Variants in BNIP3L observed in about 807,000 individuals in gnomAD.
BNIP3L encodes the protein BCL2 interacting protein 3 like, also known as BCL2/adenovirus E1B 19 kDa protein-interacting protein 3-like.
BNIP3L carries 10 observed loss-of-function variants against 25.5 expected under a neutral mutation model. The observed-to-expected ratio is 0.39, with a 90% CI of 0.24 to 0.67. The LOEUF (loss-of-function observed/expected upper bound fraction) is 0.67, where lower values mean the gene tolerates loss of function less well. BNIP3L is among the 30% of genes least tolerant of loss of function. The pLI is 0.45. For synonymous variants in BNIP3L, 113 were observed against 101.2 expected, an observed-to-expected ratio of 1.12 and a Z score of -0.70; for missense variants, 215 against 270.9, an observed-to-expected ratio of 0.79 and a Z score of 1.45.
chr8:26,400,213 A>G (rs1806338452), intron 3 of BNIP3L, among the ~76,000 whole-genome samples: 1 of 152,044 alleles, frequency 6.6e-6, no homozygotes, highest in African/African-American at 2.4e-5. Context: ...GTACCAAAAC[A>G]TAGATATAGA....
chr8:26,392,084 G>C (rs751954653), intron 2 of BNIP3L, among the ~76,000 whole-genome samples: 1 of 151,926 alleles, frequency 6.6e-6, no homozygotes, highest in Non-Finnish European at 1.5e-5. Flanking sequence ...CATGGATTAA[G>C]GACTGCTTAT....
intron 1 of BNIP3L, among the ~76,000 whole-genome samples, chr8:26,388,352 C>T (rs4489328): frequency 0.079 from 12,061 of 152,186 alleles, 640 homozygotes; most frequent in Non-Finnish European, 0.11. Context: ...GTTATTATCT[C>T]TATTTTATAG....
chr8:26,389,397 A>G (rs1806058309), intron 1 of BNIP3L, among the ~76,000 whole-genome samples: 1 of 152,116 alleles, frequency 6.6e-6, no homozygotes, highest in Non-Finnish European at 1.5e-5. Flanking sequence ...CTCGAGATAA[A>G]TTATCTTCAA....
At chr8:26,398,657 AC>A (rs774044852) in intron 3 of BNIP3L, among the ~76,000 whole-genome samples, 10,359 of 134,182 alleles carry the variant, frequency 0.077, 260 homozygotes, top group Non-Finnish European at 0.092. Context: ...GACACAAAAA[AC>A]CCTTCAAAAA....
intron 1 of BNIP3L, among the ~76,000 whole-genome samples, chr8:26,386,463 C>G (rs1483798251): frequency 6.6e-6 from 1 of 151,902 alleles, no homozygotes; most frequent in Non-Finnish European, 1.5e-5. Flanking sequence ...GAGACAGGGT[C>G]TTGCTTTGTC....
chr8:26,396,186 A>C (rs1366259304), intron 3 of BNIP3L, among the ~76,000 whole-genome samples: 10 of 133,970 alleles, frequency 7.5e-5, no homozygotes, highest in African/African-American at 2.5e-4. Flanking sequence ...CAGACAAACA[A>C]AAAGACAGCA....
chr8:26,390,466 C>T (rs543951528), intron 1 of BNIP3L: 11 of 985,116 alleles, frequency 1.1e-5, no homozygotes, highest in Admixed American at 6.2e-5. Flanking sequence ...TAATGAAAAC[C>T]CTAGAAAGTA....
chr8:26,405,698 G>C (rs1236678436), intron 3 of BNIP3L, among the ~76,000 whole-genome samples: 12 of 152,118 alleles, frequency 7.9e-5, no homozygotes, highest in Non-Finnish European at 1.5e-5. Context: ...ATGTCAAAAT[G>C]CTTCTTAGTT....
At chr8:26,395,336 A>G (rs1251598726) in intron 3 of BNIP3L, 34 bp downstream of exon 3, 1 of 1,581,652 alleles carries the variant, frequency 6.3e-7, no homozygotes, top group Non-Finnish European at 8.6e-7. Context: ...ACAGTAAACA[A>G]TTAAGAAAGA....
At position 26,412,021 on chromosome 8, in the gene BNIP3L, A is replaced by T. The variant is rs3182437; in HGVS notation, c.*1609A>T. On this transcript the variant is annotated 3_prime_UTR_variant, in exon 6 of 6. Transcript: ENST00000380629. ...GTGGAAAATAACATATAGATTAAAC[A>T]AAATTTTTATCTTTTTTCAAGAATA... 1 of 152,626 alleles carries T rather than the reference A, an allele frequency of 6.6e-6. No homozygotes were observed. The highest frequency in any genetic ancestry group is 1.5e-5 in the Non-Finnish European group (1 of 68,044). The allele number at this position is 152,626 out of a possible 1,614,324, so 9.5% of individuals were successfully genotyped here. A position where few individuals can be genotyped will look rare whatever the true frequency, so the allele number is the denominator to read the frequency against.
At chr8:26,405,121 C>T (rs990598992) in intron 3 of BNIP3L, among the ~76,000 whole-genome samples, 8 of 151,860 alleles carry the variant, frequency 5.3e-5, no homozygotes, top group Non-Finnish European at 1.0e-4. Context: ...GAGAAAATTC[C>T]ATCCTCATGA....
At chr8:26,383,299 C>T in intron 1 of BNIP3L, 69 bp downstream of exon 1, 2 of 1,549,410 alleles carry the variant, frequency 1.3e-6, no homozygotes, top group Admixed American at 4.0e-5. Context: ...CCGCCACCGG[C>T]GCGGCGCGGG....
In BNIP3L at chr8:26,411,953, A is replaced by C. The variant is rs1216728817; in HGVS notation, c.*1541A>C. The C allele has an allele frequency of 2.6e-5, 4 of 152,638 alleles. No individual in the cohort carries two copies. Among genetic ancestry groups the C allele is most frequent in the African/African-American group, 4.8e-5 (2 of 41,462 alleles). The allele number at this position is 152,638 out of a possible 1,614,324, so 9.5% of individuals were successfully genotyped here. On this transcript the variant is annotated 3_prime_UTR_variant, in exon 6 of 6. Transcript: ENST00000380629. ...ACAGGTTTGCCAGTTTGCAGAAACT[A>C]ACTCTTTTCTCACATCAACATTTGT...
chr8:26,407,927 T>C, intron 3 of BNIP3L, 73 bp from the exon 4 acceptor site: 1 of 1,322,290 alleles, frequency 7.6e-7, no homozygotes, highest in Non-Finnish European at 1.1e-6. Flanking sequence ...GTATCTTTTC[T>C]GTCTAGATTT....
At position 26,383,076 on chromosome 8, in the gene BNIP3L, G is replaced by A. The variant is rs572496113; in HGVS notation, c.-55G>A. The A allele has an allele frequency of 1.7e-5, 25 of 1,479,828 alleles. No homozygotes were observed. The highest frequency in any genetic ancestry group is 2.5e-5 in the East Asian group (1 of 40,644). 91.7% of individuals were successfully genotyped at this position (1,479,828 alleles called of 1,614,324 possible). A position where few individuals can be genotyped will look rare whatever the true frequency, so the allele number is the denominator to read the frequency against. On this transcript the variant is annotated 5_prime_UTR_variant, in exon 1 of 6. Coordinates refer to ENST00000380629, the MANE Select transcript of BNIP3L (RefSeq NM_004331.3). Reference sequence around the variant, plus strand: ...GGCGGACTCGGCTTGTTGTGTTGCTGCCTGAGTGCCGGAGACGGTCCTGCT... The same window carrying A: ...GGCGGACTCGGCTTGTTGTGTTGCTACCTGAGTGCCGGAGACGGTCCTGCT...
intron 1 of BNIP3L, among the ~76,000 whole-genome samples, chr8:26,385,214 T>C (rs960790419): frequency 6.6e-6 from 1 of 152,210 alleles, no homozygotes; most frequent in Non-Finnish European, 1.5e-5. Flanking sequence ...AGTTTTCTTA[T>C]GAGTGAAGAT....
chr8:26,392,283 G>C (rs1285744523), intron 2 of BNIP3L, among the ~76,000 whole-genome samples: 1 of 151,300 alleles, frequency 6.6e-6, no homozygotes, highest in Non-Finnish European at 1.5e-5. Context: ...CCTTCTGGGT[G>C]GTTGTTAACT....
chr8:26,390,453 G>T lies in BNIP3L; in HGVS notation c.101-790G>T, dbSNP rs184151157. On this transcript the variant is annotated intron_variant, in intron 1 of 5. Coordinates refer to ENST00000380629, the MANE Select transcript of BNIP3L (RefSeq NM_004331.3). Reference sequence around the variant, plus strand: ...TTGTTTCTGCTCCCAAATCAACAGGGTTTAATGAAAACCCTAGAAAGTAGA... The same window carrying T: ...TTGTTTCTGCTCCCAAATCAACAGGTTTTAATGAAAACCCTAGAAAGTAGA... 158 of 985,216 alleles carry T rather than the reference G, an allele frequency of 1.6e-4. 1 individual carries two copies. The East Asian group carries it at 0.014, about 87-fold the overall frequency. 61.0% of individuals were successfully genotyped at this position (985,216 alleles called of 1,614,324 possible).
intron 2 of BNIP3L, among the ~76,000 whole-genome samples, chr8:26,391,878 G>A (rs1806119951): frequency 6.6e-6 from 1 of 152,176 alleles, no homozygotes; most frequent in South Asian, 2.1e-4. Flanking sequence ...CACAGTAATG[G>A]TGCTGGCACG....
Sources: allele counts gnomAD v4.1 joint callset (sites outside exome capture counted in the v4.1 genomes callset), GRCh38; gene constraint gnomAD v4.1.1; transcripts MANE v1.5; gene names NCBI Gene and HGNC (gene_info 2026-07-23, HGNC 2026-07-21).